The following FAM171A1 variants were observed in gnomAD, a reference collection of about 807,000 sequenced individuals.
FAM171A1 encodes the protein protein FAM171A1.
In FAM171A1, 23 loss-of-function variants were observed where a neutral mutation model predicts 74.9. That is an observed-to-expected ratio of 0.31 (90% CI 0.22 to 0.44). The LOEUF is 0.44. Ranked by LOEUF, FAM171A1 falls within the 20% of genes least tolerant of loss-of-function variation. The pLI is 1.00. For synonymous variants in FAM171A1, 527 were observed against 505.7 expected (o/e 1.04, Z -0.57); for missense variants, 1,162 against 1,159.2 (o/e 1.00, Z -0.03).
chr10:15,266,976 G>T (rs1024695250), intron 3 of FAM171A1, among the ~76,000 whole-genome samples: 4 of 152,188 alleles, frequency 2.6e-5, no homozygotes, highest in African/African-American at 9.7e-5. Flanking sequence ...GGCGAGCCAG[G>T]AAGGGACAGA....
At chr10:15,268,702 G>T (rs1376335602) in intron 3 of FAM171A1, among the ~76,000 whole-genome samples, 4 of 152,034 alleles carry the variant, frequency 2.6e-5, no homozygotes, top group African/African-American at 7.2e-5. Flanking sequence ...AAGAAATGTG[G>T]GCCCAGCACA....
At position 15,362,172 on chromosome 10, in the gene FAM171A1, T is replaced by C. The variant is rs1362422136; in HGVS notation, c.97+8784A>G. ...ATCTACCCATCCAGTTTAAGGAATA[T>C]AAGACAGCTTGACCTAATTCTTCCA... On this transcript the variant is annotated intron_variant, in intron 1 of 7. Coordinates refer to ENST00000378116, the MANE Select transcript of FAM171A1 (RefSeq NM_001010924.2). Among the ~76,000 whole-genome samples, 5 of 152,192 alleles carry C rather than the reference T, an allele frequency of 3.3e-5. No individual in the cohort carries two copies. In the East Asian group the frequency reaches 9.6e-4, roughly 29 times the overall value.
At chr10:15,346,597 C>T (rs1028000129) in intron 1 of FAM171A1, among the ~76,000 whole-genome samples, 1 of 152,318 alleles carries the variant, frequency 6.6e-6, no homozygotes, top group Non-Finnish European at 1.5e-5. Context: ...AGAAACAAGC[C>T]GAGGTCCATC....
intron 5 of FAM171A1, among the ~76,000 whole-genome samples, chr10:15,236,281 C>CT (rs1834288524): frequency 1.2e-5 from 1 of 84,000 alleles, no homozygotes; most frequent in Non-Finnish European, 2.4e-5. Flanking sequence ...TTATATCATG[C>CT]TTCCAAAAAA....
At chr10:15,294,401 C>T (rs1317579885) in intron 1 of FAM171A1, among the ~76,000 whole-genome samples, 1 of 152,214 alleles carries the variant, frequency 6.6e-6, no homozygotes, top group African/African-American at 2.4e-5. Flanking sequence ...TGTGCTCACA[C>T]CTCTTCTTGC....
chr10:15,297,354 T>C (rs1835173886), intron 1 of FAM171A1, among the ~76,000 whole-genome samples: 1 of 152,142 alleles, frequency 6.6e-6, no homozygotes, highest in Non-Finnish European at 1.5e-5. Flanking sequence ...CCACCGCACC[T>C]GGCTGCCATC....
intron 5 of FAM171A1, among the ~76,000 whole-genome samples, chr10:15,246,786 T>C (rs1834440300): frequency 6.6e-6 from 1 of 152,204 alleles, no homozygotes; most frequent in Admixed American, 6.5e-5. Context: ...CCTCCCAAAG[T>C]GCTGGGATTA....
intron 2 of FAM171A1, among the ~76,000 whole-genome samples, chr10:15,281,167 CCCTTTTG>C (rs1256468598): frequency 1.3e-5 from 2 of 152,188 alleles, no homozygotes; most frequent in East Asian, 1.9e-4. Flanking sequence ...TGTCTCACTT[CCCTTTTG>C]CCTTTTGCCA....
chr10:15,262,665 T>C (rs1366615591), intron 3 of FAM171A1, among the ~76,000 whole-genome samples: 1 of 152,144 alleles, frequency 6.6e-6, no homozygotes, highest in Non-Finnish European at 1.5e-5. Context: ...CGGGAGAAGA[T>C]TGTGACTTGA....
At chr10:15,359,554 C>T (rs965508854) in intron 1 of FAM171A1, among the ~76,000 whole-genome samples, 5 of 152,120 alleles carry the variant, frequency 3.3e-5, no homozygotes, top group Admixed American at 1.3e-4. Flanking sequence ...GCTGGGCAGG[C>T]GGAATGAGTC....
chr10:15,275,912 G>A lies in FAM171A1; in HGVS notation c.361C>T (p.Arg121Cys), dbSNP rs374230936. 19 of 1,612,724 alleles carry A rather than the reference G, an allele frequency of 1.2e-5. No homozygotes were observed. The highest frequency in any genetic ancestry group is 6.7e-5 in the African/African-American group (5 of 74,902). ...TCATATACCATTAGAGTGGCAGAGC[G>A]TTCTGGAAGCAGGCCAAGGCTCAGA... ...SSLSLGLLPE[R>C]SATLMVYEDV... is the part of the protein sequence containing the mutation. Residue 121 changes from arginine to cysteine, a missense_variant, in exon 3 of 8, where the codon CGC becomes TGC. Arg to Cys is a radical substitution (Grantham distance 180). Coordinates refer to ENST00000378116, the MANE Select transcript of FAM171A1 (RefSeq NM_001010924.2).
chr10:15,294,658 C>T (rs188278046), intron 1 of FAM171A1, among the ~76,000 whole-genome samples: 3 of 152,312 alleles, frequency 2.0e-5, no homozygotes, highest in Admixed American at 2.0e-4. Context: ...GAAAACTAAA[C>T]ATCATCTTTC....
chr10:15,371,784 TTC>T (rs1409694166), upstream of FAM171A1, among the ~76,000 whole-genome samples: 1 of 152,120 alleles, frequency 6.6e-6, no homozygotes, highest in Non-Finnish European at 1.5e-5. Context: ...CTTTAAAACT[TTC>T]TGTCCTATTA....
chr10:15,267,165 T>C (rs1834755530), intron 3 of FAM171A1, among the ~76,000 whole-genome samples: 1 of 152,062 alleles, frequency 6.6e-6, no homozygotes, highest in South Asian at 2.1e-4. Flanking sequence ...TTGGTAGAGA[T>C]CAACAGGGCC....
chr10:15,353,629 C>G (rs1168541515), intron 1 of FAM171A1, among the ~76,000 whole-genome samples: 1 of 152,160 alleles, frequency 6.6e-6, no homozygotes, highest in East Asian at 1.9e-4. Context: ...GGGCTATTTA[C>G]ACCACTAATT....
At chr10:15,304,963 A>G (rs1164414658) in intron 1 of FAM171A1, among the ~76,000 whole-genome samples, 1 of 151,990 alleles carries the variant, frequency 6.6e-6, no homozygotes, top group Non-Finnish European at 1.5e-5. Flanking sequence ...CAAACTCCTG[A>G]CCTCAAGTGA....
In FAM171A1 at chr10:15,212,478, A is replaced by ACGCT; in HGVS notation, c.*433_*436dup. 1 of 177,056 alleles carries ACGCT rather than the reference A, an allele frequency of 5.6e-6. No individual in the cohort carries two copies. The highest frequency in any genetic ancestry group is 1.3e-4 in the South Asian group (1 of 7,632). The allele number at this position is 177,056 out of a possible 1,614,324, so 11.0% of individuals were successfully genotyped here. A position where few individuals can be genotyped will look rare whatever the true frequency, so the allele number is the denominator to read the frequency against. On this transcript the variant is annotated 3_prime_UTR_variant, in exon 8 of 8. Transcript: ENST00000378116. The stretch of plus-strand genomic sequence containing the variant: ...CCTTTGAGAGAACGCATACCTTGAG[A>ACGCT]CGCTACGTGCCAACCTAAGTTCTCA...
chr10:15,331,206 C>A (rs1012282830), intron 1 of FAM171A1, among the ~76,000 whole-genome samples: 4 of 152,076 alleles, frequency 2.6e-5, no homozygotes, highest in Non-Finnish European at 5.9e-5. Flanking sequence ...TGTTTTCACA[C>A]ACATGCATGC....
At chr10:15,318,232 G>C (rs1048860110) in intron 1 of FAM171A1, among the ~76,000 whole-genome samples, 1 of 152,160 alleles carries the variant, frequency 6.6e-6, no homozygotes, top group South Asian at 2.1e-4. Flanking sequence ...AGCAGGAGCC[G>C]GAAATTTTTC....
Sources: gnomAD v4.1 joint callset for allele counts (sites outside exome capture counted in the v4.1 genomes callset) on GRCh38, gnomAD v4.1.1 for gene constraint, MANE v1.5 for transcripts, NCBI Gene and HGNC (gene_info 2026-07-23, HGNC 2026-07-21) for gene names.